The following PPTC7 variants were observed in gnomAD, a reference collection of about 807,000 sequenced individuals.
PPTC7 encodes the protein protein phosphatase PTC7 homolog.
PPTC7 carries 6 observed loss-of-function variants against 30.8 expected under a neutral mutation model. The ratio of observed to expected loss-of-function variants is 0.19; its 90% CI spans 0.11 to 0.38. The LOEUF (loss-of-function observed/expected upper bound fraction) is 0.38, where lower values mean the gene tolerates loss of function less well. Ranked by LOEUF, PPTC7 falls within the 10% of genes least tolerant of loss-of-function variation. The probability of loss-of-function intolerance (pLI) is 1.00; values close to 1 mark genes in which losing one functional copy is unlikely to be tolerated. For synonymous variants in PPTC7, 163 were observed against 168.1 expected (o/e 0.97, Z 0.23); for missense variants, 218 against 404.8 (o/e 0.54, Z 3.96).
At chr12:110,579,104 G>A (rs550315631) in intron 1 of PPTC7, among the ~76,000 whole-genome samples, 1 of 151,938 alleles carries the variant, frequency 6.6e-6, no homozygotes, top group African/African-American at 2.4e-5. Context: ...AGCCAAAATC[G>A]TGCCACTGCA....
chr12:110,575,186 C>T (rs530923653), intron 1 of PPTC7, among the ~76,000 whole-genome samples: 3 of 152,056 alleles, frequency 2.0e-5, no homozygotes, highest in Non-Finnish European at 4.4e-5. Context: ...GACATCACTT[C>T]TTAAAAAGAG....
rs2064213957 is a variant in PPTC7 at position 110,535,789 on chromosome 12, T to C, written c.*1248A>G. On this transcript the variant is annotated 3_prime_UTR_variant, in exon 6 of 6. Coordinates refer to ENST00000354300, the MANE Select transcript of PPTC7 (RefSeq NM_139283.2). ...TCAACTTGTACACAAAACTTAAAAA[T>C]AAGTTTCAGCTTGCAGATAATGTGA... 1 of 152,602 alleles carries C rather than the reference T, an allele frequency of 6.6e-6. No individual in the cohort carries two copies. The highest frequency in any genetic ancestry group is 1.5e-5 in the Non-Finnish European group (1 of 68,018). The allele number at this position is 152,602 out of a possible 1,614,324, so 9.5% of individuals were successfully genotyped here.
chr12:110,564,455 T>C (rs2064463230), intron 1 of PPTC7, among the ~76,000 whole-genome samples: 2 of 152,192 alleles, frequency 1.3e-5, no homozygotes, highest in South Asian at 4.1e-4. Context: ...GGAGAAGATT[T>C]TCCTTCTGTT....
intron 1 of PPTC7, among the ~76,000 whole-genome samples, chr12:110,574,139 AT>A (rs1319073858): frequency 1.6e-5 from 2 of 121,534 alleles, no homozygotes; most frequent in Admixed American, 8.2e-5. Flanking sequence ...CTCCACAATA[AT>A]TAAAAAAAAA....
At chr12:110,581,936 A>G (rs1050401251) in intron 1 of PPTC7, among the ~76,000 whole-genome samples, 4 of 152,224 alleles carry the variant, frequency 2.6e-5, no homozygotes, top group African/African-American at 7.2e-5. Flanking sequence ...TAACGGCACA[A>G]TATCCCATAG....
intron 5 of PPTC7, among the ~76,000 whole-genome samples, 156 bp from the exon 6 acceptor site, chr12:110,537,251 A>T (rs989650467): frequency 4.6e-5 from 7 of 151,290 alleles, no homozygotes; most frequent in Non-Finnish European, 7.4e-5. Context: ...ATATTTGATT[A>T]AAAAAAAACA....
chr12:110,572,370 G>A (rs2064543758), intron 1 of PPTC7, among the ~76,000 whole-genome samples: 1 of 152,164 alleles, frequency 6.6e-6, no homozygotes, highest in South Asian at 2.1e-4. Flanking sequence ...GAACCCGGGA[G>A]GTGGAGGCTG....
intron 1 of PPTC7, among the ~76,000 whole-genome samples, chr12:110,554,552 G>C (rs1415211565): frequency 6.6e-6 from 1 of 152,110 alleles, no homozygotes; most frequent in Non-Finnish European, 1.5e-5. Flanking sequence ...TATTTCTACT[G>C]GATAGTACTA....
At chr12:110,564,099 T>C (rs113418426) in intron 1 of PPTC7, among the ~76,000 whole-genome samples, 10 of 152,348 alleles carry the variant, frequency 6.6e-5, no homozygotes, top group African/African-American at 2.4e-4. Flanking sequence ...TTCCACAAAC[T>C]GCAGAGTTGA....
intron 1 of PPTC7, among the ~76,000 whole-genome samples, chr12:110,559,412 A>T (rs926460761): frequency 2.8e-5 from 4 of 144,884 alleles, no homozygotes; most frequent in Non-Finnish European, 4.6e-5. Flanking sequence ...GAAGAAAAAA[A>T]TTTTTTTTTT....
intron 1 of PPTC7, among the ~76,000 whole-genome samples, chr12:110,565,236 T>A (rs896991610): frequency 5.3e-5 from 8 of 151,862 alleles, no homozygotes; most frequent in Non-Finnish European, 7.4e-5. Flanking sequence ...GAGTACTTTT[T>A]TTTTCTTTTT....
intron 1 of PPTC7, among the ~76,000 whole-genome samples, chr12:110,582,479 G>C (rs1041695160): frequency 6.6e-6 from 1 of 152,194 alleles, no homozygotes; most frequent in Non-Finnish European, 1.5e-5. Context: ...CGCCCAGGGA[G>C]GGGACGAGGT....
Position 110,582,849 on chromosome 12 carries a change from G to A in PPTC7, c.183C>T (p.Asp61=). The A allele has an allele frequency of 6.4e-7, 1 of 1,561,568 alleles. No homozygotes were observed. The highest frequency in any genetic ancestry group is 1.2e-5 in the South Asian group (1 of 85,206). Residue 61 remains aspartate (D), a synonymous_variant, in exon 1 of 6, where the codon GAC becomes GAT. Transcript: ENST00000354300. ...AACGGTGCCGGGCCACGAAGCACGC[G>A]TCGTCCCCGTAGCACGCGCCCTTCT... ...LLKKGACYGD[D]ACFVARHRSA... is the part of the protein sequence containing the mutation.
chr12:110,575,383 TA>T (rs2064579790), intron 1 of PPTC7, among the ~76,000 whole-genome samples: 1 of 152,042 alleles, frequency 6.6e-6, no homozygotes, highest in South Asian at 2.1e-4. Context: ...CATGGGAACA[TA>T]AAATGAATTT....
At chr12:110,560,591 T>C (rs534790997) in intron 1 of PPTC7, among the ~76,000 whole-genome samples, 10 of 152,214 alleles carry the variant, frequency 6.6e-5, no homozygotes, top group Admixed American at 5.9e-4. Context: ...CAACATGATG[T>C]TGCAATTATT....
At position 110,579,883 on chromosome 12, in the gene PPTC7, C is replaced by A. The variant is rs193174214; in HGVS notation, c.223+2926G>T. On this transcript the variant is annotated intron_variant, in intron 1 of 5. Transcript: ENST00000354300. ...CAAAAATTAGCCGGGCGTGATGGCG[C>A]GCGCCTGTAATCCCAGCTACTCAGG... 1.1e-3 allele frequency among the ~76,000 whole-genome samples: 167 copies of A among 152,110 alleles called. 4 individuals are homozygous for A. The highest frequency in any genetic ancestry group is 9.7e-3 in the Admixed American group (148 of 15,282).
intron 1 of PPTC7, among the ~76,000 whole-genome samples, chr12:110,552,779 G>C (rs1009548978): frequency 2.0e-5 from 3 of 152,112 alleles, no homozygotes; most frequent in African/African-American, 7.2e-5. Flanking sequence ...GAGGAGATTG[G>C]TGTGAACCCG....
At chr12:110,559,259 G>A (rs1172222088) in intron 1 of PPTC7, among the ~76,000 whole-genome samples, 2 of 151,344 alleles carry the variant, frequency 1.3e-5, no homozygotes, top group East Asian at 4.0e-4. Flanking sequence ...CAAACTCCTG[G>A]GGTCAAGTGA....
chr12:110,557,524 C>A (rs1305569786), intron 1 of PPTC7, among the ~76,000 whole-genome samples: 1 of 152,184 alleles, frequency 6.6e-6, no homozygotes, highest in Non-Finnish European at 1.5e-5. Flanking sequence ...AGCAATCTCA[C>A]ACCTTGGCCT....
Sources: gnomAD v4.1 joint callset for allele counts (sites outside exome capture counted in the v4.1 genomes callset) on GRCh38, gnomAD v4.1.1 for gene constraint, MANE v1.5 for transcripts, NCBI Gene and HGNC (gene_info 2026-07-23, HGNC 2026-07-21) for gene names.